Variants in DACH2 observed in about 807,000 individuals in gnomAD.
DACH2 encodes the protein dachshund family transcription factor 2.
Under a neutral mutation model 35.8 loss-of-function variants are expected in DACH2, and 17 were observed. That is an observed-to-expected ratio of 0.48 (90% CI 0.33 to 0.71). The LOEUF (loss-of-function observed/expected upper bound fraction) is 0.71, where lower values mean the gene tolerates loss of function less well. Among genes scored for constraint, DACH2 ranks in the 30% least tolerant of loss-of-function variants. DACH2 has a pLI of 0.02. For missense variants in DACH2, 469 were observed against 472.7 expected, an observed-to-expected ratio of 0.99 and a Z score of 0.07; for synonymous variants, 195 against 177.3, an observed-to-expected ratio of 1.10 and a Z score of -0.79.
At chrX:86,247,907 G>T (rs1453974799) in intron 1 of DACH2, among the ~76,000 whole-genome samples, 2 of 111,078 alleles carry the variant, frequency 1.8e-5, no homozygotes, top group Non-Finnish European at 3.8e-5. Context: ...CAATAAAGGT[G>T]ATTCATCACA....
intron 3 of DACH2, among the ~76,000 whole-genome samples, chrX:86,564,235 A>G: frequency 9.0e-6 from 1 of 111,546 alleles, no homozygotes; most frequent in South Asian, 3.7e-4. Flanking sequence ...GTGATCTCCA[A>G]CCTAATACTC....
chrX:86,467,913 G>A (rs1446653168), intron 2 of DACH2, among the ~76,000 whole-genome samples: 2 of 111,332 alleles, frequency 1.8e-5, no homozygotes, highest in African/African-American at 3.3e-5. Context: ...GAGCACGGAG[G>A]TAAATGGCCC....
intron 2 of DACH2, among the ~76,000 whole-genome samples, chrX:86,396,774 C>T (rs918760572): frequency 9.0e-6 from 1 of 111,301 alleles, no homozygotes; most frequent in Admixed American, 9.5e-5. Flanking sequence ...CAGTACCATA[C>T]TGTTTTGGTT....
intron 1 of DACH2, among the ~76,000 whole-genome samples, chrX:86,275,700 T>C (rs1041112072): frequency 8.9e-6 from 1 of 111,806 alleles, no homozygotes; most frequent in Non-Finnish European, 1.9e-5. Context: ...CCCCTTACTC[T>C]CCCACTACTC....
chrX:86,226,401 T>TG (rs777516619), intron 1 of DACH2, among the ~76,000 whole-genome samples: 11,346 of 110,417 alleles, frequency 0.1, 598 homozygotes, highest in Non-Finnish European at 0.16. Context: ...GTTACACAGC[T>TG]GAAAAAAAAA....
At chrX:86,474,097 G>T (rs187926353) in intron 2 of DACH2, among the ~76,000 whole-genome samples, 26 of 111,607 alleles carry the variant, frequency 2.3e-4, no homozygotes, top group African/African-American at 8.4e-4. Flanking sequence ...GTTTTGATTT[G>T]CATTTCTCCG....
At chrX:86,719,537 A>T (rs917177151) in intron 6 of DACH2, among the ~76,000 whole-genome samples, 9 of 111,589 alleles carry the variant, frequency 8.1e-5, no homozygotes, top group Non-Finnish European at 1.1e-4. Context: ...GTAATTTATT[A>T]AAAAAAGATG....
At chrX:86,630,419 C>T (rs2369236) in intron 3 of DACH2, among the ~76,000 whole-genome samples, 12,111 of 106,519 alleles carry the variant, frequency 0.11, 697 homozygotes, top group East Asian at 0.3. Flanking sequence ...TATATATATA[C>T]ACACATATAT....
chrX:86,450,247 C>T (rs1307233850), intron 2 of DACH2, among the ~76,000 whole-genome samples: 1 of 110,554 alleles, frequency 9.0e-6, no homozygotes, highest in African/African-American at 3.3e-5. Context: ...ACAACAGGCC[C>T]CAGTGTATGT....
chrX:86,468,182 C>T (rs1480508704), intron 2 of DACH2, among the ~76,000 whole-genome samples: 2 of 111,426 alleles, frequency 1.8e-5, no homozygotes, highest in African/African-American at 6.5e-5. Flanking sequence ...TGTTGAATGG[C>T]TTTGGGTTAA....
chrX:86,754,931 C>T (rs961454948), intron 7 of DACH2, among the ~76,000 whole-genome samples: 2 of 111,280 alleles, frequency 1.8e-5, no homozygotes, highest in African/African-American at 3.3e-5. Flanking sequence ...TTATTTTTTT[C>T]GGATAAATAC....
chrX:86,798,019 T>A (rs193116721), intron 7 of DACH2, among the ~76,000 whole-genome samples: 1 of 112,623 alleles, frequency 8.9e-6, no homozygotes, highest in African/African-American at 3.2e-5. Context: ...GATGTACTCA[T>A]AGTATTGGAA....
chrX:86,698,517 TTGTG>T lies in DACH2; in HGVS notation c.931+3340_931+3343del, dbSNP rs2041094909. ...ATTTCTTCTTTTTGTTTTGTTAGTTTTGTGTTTTTTTTTTTTTTTTTTTTTTTTT... is the reference window on the plus strand; with the variant it reads ...ATTTCTTCTTTTTGTTTTGTTAGTTTTTTTTTTTTTTTTTTTTTTTTTTTT... On this transcript the variant is annotated intron_variant, in intron 5 of 11. Transcript: ENST00000373125. Among the ~76,000 whole-genome samples the T allele has an allele frequency of 8.1e-5, 6 of 73,994 alleles. 1 individual carries two copies. The highest frequency in any genetic ancestry group is 1.0e-4 in the Non-Finnish European group (4 of 39,222). 64.3% of individuals were successfully genotyped at this position (73,994 alleles called of 115,157 possible). A position where few individuals can be genotyped will look rare whatever the true frequency, so the allele number is the denominator to read the frequency against.
chrX:86,650,281 A>C (rs1351361705), intron 3 of DACH2, among the ~76,000 whole-genome samples: 2 of 111,302 alleles, frequency 1.8e-5, no homozygotes, highest in African/African-American at 3.3e-5. Flanking sequence ...GACGCTGGCT[A>C]TATAGGTACA....
intron 1 of DACH2, among the ~76,000 whole-genome samples, chrX:86,317,672 C>G (rs185376774): frequency 8.9e-6 from 1 of 112,199 alleles, no homozygotes; most frequent in Admixed American, 9.4e-5. Flanking sequence ...AGAGTGATCA[C>G]CTTTACATAG....
At chrX:86,249,264 A>G (rs1449398694) in intron 1 of DACH2, among the ~76,000 whole-genome samples, 1 of 111,488 alleles carries the variant, frequency 9.0e-6, no homozygotes, top group Non-Finnish European at 1.9e-5. Flanking sequence ...GAGTAAACAG[A>G]CAGCCCACAG....
At chrX:86,660,414 G>A (rs755548421) in intron 4 of DACH2, among the ~76,000 whole-genome samples, 1 of 111,704 alleles carries the variant, frequency 9.0e-6, no homozygotes, top group East Asian at 2.8e-4. Flanking sequence ...AGACACACGT[G>A]TTATCCTTGC....
chrX:86,183,812 T>C (rs2031589368), intron 1 of DACH2, among the ~76,000 whole-genome samples: 1 of 111,553 alleles, frequency 9.0e-6, no homozygotes, highest in South Asian at 3.8e-4. Flanking sequence ...TCTTGGGCTT[T>C]TTTTGGTTGG....
intron 3 of DACH2, among the ~76,000 whole-genome samples, chrX:86,643,889 A>G (rs748619406): frequency 1.7e-4 from 19 of 111,777 alleles, no homozygotes; most frequent in Admixed American, 4.8e-4. Flanking sequence ...ATAGACGTAG[A>G]AAAGGTTTTT....
Sources: allele counts gnomAD v4.1 joint callset (sites outside exome capture counted in the v4.1 genomes callset), GRCh38; gene constraint gnomAD v4.1.1; transcripts MANE v1.5; gene names NCBI Gene and HGNC (gene_info 2026-07-23, HGNC 2026-07-21).